Variants in STK4 observed in about 807,000 individuals in gnomAD.
The protein encoded by STK4 is serine/threonine kinase 4, also known as serine/threonine-protein kinase 4.
STK4 carries 30 observed loss-of-function variants against 64.9 expected under a neutral mutation model. The observed-to-expected ratio is 0.46, with a 90% confidence interval of 0.35 to 0.63. The LOEUF is 0.63. Among genes scored for constraint, STK4 ranks in the 20% least tolerant of loss-of-function variants. The probability of loss-of-function intolerance (pLI) is 0.01; values close to 1 mark genes in which losing one functional copy is unlikely to be tolerated. For synonymous variants in STK4, 177 were observed against 199.0 expected, an observed-to-expected ratio of 0.89 and a Z score of 0.93; for missense variants, 466 against 598.5, an observed-to-expected ratio of 0.78 and a Z score of 2.31.
At chr20:44,968,445 A>G (rs781730934) in intron 1 of STK4, among the ~76,000 whole-genome samples, 4 of 152,164 alleles carry the variant, frequency 2.6e-5, no homozygotes, top group Non-Finnish European at 4.4e-5. Flanking sequence ...CCATGCTCTT[A>G]ACTGCCTCAC....
At position 45,079,745 on chromosome 20, in the gene STK4, A is replaced by G. The variant is rs1980770292; in HGVS notation, c.*4569A>G. 1 of 152,768 alleles carries G rather than the reference A, an allele frequency of 6.5e-6. No homozygotes were observed. The allele number at this position is 152,768 out of a possible 1,614,324, so 9.5% of individuals were successfully genotyped here. On this transcript the variant is annotated 3_prime_UTR_variant, in exon 11 of 11. Transcript: ENST00000372806. ...ACACTGGCTTAAGTGCTGACTTGAA[A>G]TGCTATTTTGTAAGGTTTGGATGTA...
At chr20:45,038,838 A>C (rs1032061167) in intron 10 of STK4, among the ~76,000 whole-genome samples, 2 of 152,054 alleles carry the variant, frequency 1.3e-5, no homozygotes, top group Non-Finnish European at 2.9e-5. Context: ...AGTTTTTTTC[A>C]ATGAAAAATG....
intron 10 of STK4, among the ~76,000 whole-genome samples, chr20:45,025,649 T>C (rs1373491018): frequency 6.6e-6 from 1 of 152,184 alleles, no homozygotes; most frequent in Non-Finnish European, 1.5e-5. Flanking sequence ...CCCTCAACCA[T>C]AGACACTTAT....
chr20:45,058,355 T>TA (rs1978686247), intron 10 of STK4, among the ~76,000 whole-genome samples: 1 of 152,252 alleles, frequency 6.6e-6, no homozygotes, highest in South Asian at 2.1e-4. Flanking sequence ...AACTGAGTGC[T>TA]ATGTACTTGC....
At chr20:44,968,576 ATGTT>A (rs2067193361) in intron 1 of STK4, among the ~76,000 whole-genome samples, 3 of 152,202 alleles carry the variant, frequency 2.0e-5, no homozygotes, top group Admixed American at 6.5e-5. Context: ...TTTCTGAACT[ATGTT>A]CGTTCGTTCT....
chr20:45,022,580 T>G (rs1252770283), intron 9 of STK4, among the ~76,000 whole-genome samples: 1 of 152,230 alleles, frequency 6.6e-6, no homozygotes, highest in Non-Finnish European at 1.5e-5. Context: ...CTTTGATTTT[T>G]ATGACATGGT....
chr20:44,977,601 A>G (rs2067362439), intron 2 of STK4, among the ~76,000 whole-genome samples: 1 of 152,190 alleles, frequency 6.6e-6, no homozygotes, highest in South Asian at 2.1e-4. Flanking sequence ...GAGAAAATTC[A>G]GGTACAACAA....
intron 10 of STK4, among the ~76,000 whole-genome samples, chr20:45,042,897 T>TTTTTTTTTGTTTGTTTTTTTTTTGAG: frequency 6.6e-6 from 1 of 152,024 alleles, no homozygotes; most frequent in African/African-American, 2.4e-5. Context: ...GCTGGTTTTT[T>TTTTTTTTTGTTTGTTTTTTTTTTGAG]ACATAGGTAA....
intron 9 of STK4, among the ~76,000 whole-genome samples, chr20:45,021,124 A>T (rs1235180701): frequency 2.0e-5 from 3 of 152,126 alleles, no homozygotes; most frequent in Non-Finnish European, 4.4e-5. Context: ...CAGCCTACAC[A>T]AGAATTTTTA....
At chr20:45,025,730 TTTC>T (rs1395344482) in intron 10 of STK4, among the ~76,000 whole-genome samples, 1 of 152,172 alleles carries the variant, frequency 6.6e-6, no homozygotes, top group East Asian at 1.9e-4. Flanking sequence ...GAGTCTGCAT[TTTC>T]TTCTTGACTA....
chr20:45,028,390 G>A (rs1037505690), intron 10 of STK4, among the ~76,000 whole-genome samples: 3 of 150,334 alleles, frequency 2.0e-5, no homozygotes, highest in South Asian at 4.2e-4. Flanking sequence ...GCAGTGGTCC[G>A]ATCATAGCTC....
At chr20:45,073,887 T>TCTTATTTAA (rs1980293545) in intron 10 of STK4, among the ~76,000 whole-genome samples, 1 of 152,218 alleles carries the variant, frequency 6.6e-6, no homozygotes, top group African/African-American at 2.4e-5. Context: ...ACAGCCGTGA[T>TCTTATTTAA]CTTATTTAAT....
intron 3 of STK4, among the ~76,000 whole-genome samples, chr20:44,979,102 C>G (rs1257458683): frequency 2.6e-5 from 4 of 152,104 alleles, no homozygotes; most frequent in Non-Finnish European, 5.9e-5. Context: ...CCATACCTGG[C>G]TTTTTTCTTT....
chr20:45,023,708 T>A (rs1023261956), intron 9 of STK4, among the ~76,000 whole-genome samples: 4 of 152,128 alleles, frequency 2.6e-5, no homozygotes, highest in African/African-American at 9.7e-5. Context: ...AACTAATAGC[T>A]GCTGTATTCT....
At chr20:45,008,094 G>A (rs941330183) in intron 9 of STK4, among the ~76,000 whole-genome samples, 6 of 152,048 alleles carry the variant, frequency 3.9e-5, no homozygotes, top group Admixed American at 1.3e-4. Context: ...TTGCTCTGTC[G>A]CCCAGGCTGG....
intron 4 of STK4, among the ~76,000 whole-genome samples, chr20:44,984,102 T>C (rs1370298177): frequency 6.6e-6 from 1 of 151,702 alleles, no homozygotes; most frequent in Non-Finnish European, 1.5e-5. Flanking sequence ...CTTTTGGTTT[T>C]TTTTTGCCAT....
intron 5 of STK4, among the ~76,000 whole-genome samples, chr20:44,991,128 G>A (rs1014515877): frequency 1.3e-5 from 2 of 152,126 alleles, no homozygotes; most frequent in Non-Finnish European, 2.9e-5. Context: ...GATAGTGAAA[G>A]TAAAATGTAT....
chr20:44,981,111 A>G (rs1284698581), intron 3 of STK4, among the ~76,000 whole-genome samples: 3 of 152,116 alleles, frequency 2.0e-5, no homozygotes, highest in African/African-American at 4.8e-5. Context: ...CACATAGTCT[A>G]TAACATTTTT....
intron 10 of STK4, among the ~76,000 whole-genome samples, chr20:45,053,772 T>A (rs1265239378): frequency 1.3e-5 from 2 of 152,222 alleles, no homozygotes; most frequent in African/African-American, 4.8e-5. Context: ...CTTGCTATAT[T>A]TCCAACAAGA....
Sources: gnomAD v4.1 joint callset for allele counts (sites outside exome capture counted in the v4.1 genomes callset) on GRCh38, gnomAD v4.1.1 for gene constraint, MANE v1.5 for transcripts, NCBI Gene and HGNC (gene_info 2026-07-23, HGNC 2026-07-21) for gene names.